The following IDE variants were observed in gnomAD, a reference collection of about 807,000 sequenced individuals.
The protein encoded by IDE is insulin degrading enzyme.
IDE carries 58 observed loss-of-function variants against 133.2 expected under a neutral mutation model. That is an observed-to-expected ratio of 0.44 (90% CI 0.35 to 0.54). IDE has a LOEUF of 0.54. IDE is among the 20% of genes least tolerant of loss of function. The pLI, the probability that IDE is intolerant of heterozygous loss-of-function variation, is 0.00. For synonymous variants in IDE, 396 were observed against 421.3 expected, an observed-to-expected ratio of 0.94 and a Z score of 0.73; for missense variants, 981 against 1,234.0, an observed-to-expected ratio of 0.79 and a Z score of 3.07.
At chr10:92,498,649 C>T (rs1016938886) in intron 11 of IDE, among the ~76,000 whole-genome samples, 4 of 152,024 alleles carry the variant, frequency 2.6e-5, no homozygotes, top group Non-Finnish European at 5.9e-5. Context: ...CCCAGCTACT[C>T]GGGAGGCTGA....
At chr10:92,560,169 G>A (rs1255612416) in intron 1 of IDE, among the ~76,000 whole-genome samples, 3 of 152,258 alleles carry the variant, frequency 2.0e-5, no homozygotes, top group Admixed American at 2.0e-4. Flanking sequence ...ATCGATAATA[G>A]TTTGGCTGGT....
intron 5 of IDE, among the ~76,000 whole-genome samples, chr10:92,513,477 G>A (rs1232544227): frequency 2.0e-5 from 3 of 152,228 alleles, no homozygotes; most frequent in African/African-American, 7.2e-5. Flanking sequence ...ACAGGTGTGA[G>A]CCACTGTGCC....
intron 12 of IDE, among the ~76,000 whole-genome samples, chr10:92,487,816 T>C (rs1847095208): frequency 6.6e-6 from 1 of 152,226 alleles, no homozygotes; most frequent in African/African-American, 2.4e-5. Flanking sequence ...TTTTTCTTCC[T>C]GAGACAGTCT....
Position 92,468,994 on chromosome 10 carries a change from T to C in IDE, c.2209-4A>G. The C allele has an allele frequency of 6.6e-7, 1 of 1,509,820 alleles. No homozygotes were observed. The highest frequency in any genetic ancestry group is 9.2e-7 in the Non-Finnish European group (1 of 1,085,036). 93.5% of individuals were successfully genotyped at this position (1,509,820 alleles called of 1,614,324 possible). A position where few individuals can be genotyped will look rare whatever the true frequency, so the allele number is the denominator to read the frequency against. On this transcript the variant is annotated splice_region_variant and splice_polypyrimidine_tract_variant and intron_variant, in intron 18 of 24. Coordinates refer to ENST00000265986, the MANE Select transcript of IDE (RefSeq NM_004969.4). ...TCTGCATAATTCCTAATGCAGCCTA[T>C]GGAAAAAGATATGTCCCAGCATATT...
chr10:92,550,171 T>C (rs192986357), intron 1 of IDE, among the ~76,000 whole-genome samples: 168 of 151,638 alleles, frequency 1.1e-3, no homozygotes, highest in Non-Finnish European at 2.0e-3. Context: ...AGTAAATAAG[T>C]AAATAAATAA....
intron 3 of IDE, 99 bp downstream of exon 3, chr10:92,534,479 T>G: frequency 1.3e-6 from 1 of 755,940 alleles, no homozygotes; most frequent in Non-Finnish European, 2.1e-6. Context: ...TAAAATACCT[T>G]TTGTTAAATT....
chr10:92,520,220 G>C (rs912247239), intron 4 of IDE, among the ~76,000 whole-genome samples: 23 of 152,146 alleles, frequency 1.5e-4, no homozygotes, highest in Non-Finnish European at 2.9e-4. Flanking sequence ...GATGCGAAGA[G>C]GGGTTGGTAA....
intron 19 of IDE, among the ~76,000 whole-genome samples, chr10:92,467,346 T>A (rs900781399): frequency 6.6e-6 from 1 of 152,222 alleles, no homozygotes; most frequent in Non-Finnish European, 1.5e-5. Flanking sequence ...GTGCTGGGAT[T>A]ATAGGAATGA....
intron 5 of IDE, among the ~76,000 whole-genome samples, chr10:92,511,084 T>TAAA (rs35891632): frequency 2.8e-5 from 3 of 108,232 alleles, no homozygotes; most frequent in Admixed American, 1.1e-4. Context: ...AAAGCAGTGT[T>TAAA]AAAAAAAAAA....
intron 4 of IDE, 93 bp downstream of exon 4, chr10:92,531,655 T>A (rs1849931264): frequency 2.1e-6 from 1 of 478,852 alleles, no homozygotes; most frequent in African/African-American, 2.0e-5. Context: ...TACATAAATA[T>A]ATACATAAAT....
At chr10:92,504,535 T>G (rs1848191631) in intron 11 of IDE, among the ~76,000 whole-genome samples, 1 of 152,186 alleles carries the variant, frequency 6.6e-6, no homozygotes, top group Non-Finnish European at 1.5e-5. Flanking sequence ...TTTTTAAAAA[T>G]GTCCTCATCT....
In IDE at chr10:92,574,037, G is replaced by C. The variant is rs1221022567; in HGVS notation, c.-18C>G. On this transcript the variant is annotated 5_prime_UTR_variant, in exon 1 of 25. Coordinates refer to ENST00000265986, the MANE Select transcript of IDE (RefSeq NM_004969.4). ...TACCGCATTAGCCAGCGCAGTCGCC[G>C]GGATCACCGCAAACGCTTCCTGCTT... 5.3e-6 allele frequency: 8 copies of C among 1,504,680 alleles called. No homozygotes were observed. The Admixed American group carries it at 8.6e-5, about 16-fold the overall frequency. The allele number at this position is 1,504,680 out of a possible 1,614,324, so 93.2% of individuals were successfully genotyped here. A position where few individuals can be genotyped will look rare whatever the true frequency, so the allele number is the denominator to read the frequency against.
At chr10:92,541,753 C>T (rs1158612574) in intron 1 of IDE, among the ~76,000 whole-genome samples, 1 of 152,138 alleles carries the variant, frequency 6.6e-6, no homozygotes, top group African/African-American at 2.4e-5. Context: ...GGAAGAGCCA[C>T]TAGATGTTAT....
intron 1 of IDE, among the ~76,000 whole-genome samples, chr10:92,541,982 T>G (rs559995393): frequency 6.6e-6 from 1 of 152,246 alleles, no homozygotes; most frequent in East Asian, 1.9e-4. Context: ...AAAGTTATAA[T>G]CAAACTCAGT....
chr10:92,472,873 T>C (rs1195648034), intron 17 of IDE, among the ~76,000 whole-genome samples: 1 of 151,424 alleles, frequency 6.6e-6, no homozygotes, highest in African/African-American at 2.4e-5. Flanking sequence ...CTTGACCTTG[T>C]GATCCGCCCG....
Position 92,502,149 on chromosome 10 carries a change from A to C in IDE, c.1430+2645T>G, listed in dbSNP as rs117708954. ...AATGCAAGACCCTGTCTCTAAATAA[A>C]TGAATAAAAAGAAAAAGAAAAACAG... On this transcript the variant is annotated intron_variant, in intron 11 of 24. Transcript: ENST00000265986. Among the ~76,000 whole-genome samples, 71 of 152,260 alleles carry C rather than the reference A, an allele frequency of 4.7e-4. No homozygotes were observed. The East Asian group carries it at 0.011, about 24-fold the overall frequency.
rs56191416 is a variant in IDE, at chr10:92,534,531, G to C, written c.491+47C>G. On this transcript the variant is annotated intron_variant, in intron 3 of 24. Transcript: ENST00000265986. ...GGAAATAATAATTATTATTATTAAT[G>C]TGATAAGTACACAAAGTTGGATAAT... 13,883 of 981,072 alleles carry C rather than the reference G, an allele frequency of 0.014. 1,299 individuals carry two copies. In the African/African-American group the frequency reaches 0.2, roughly 14 times the overall value. The allele number at this position is 981,072 out of a possible 1,614,324, so 60.8% of individuals were successfully genotyped here.
At chr10:92,535,018 G>C (rs1841919051) in intron 2 of IDE, among the ~76,000 whole-genome samples, 1 of 152,210 alleles carries the variant, frequency 6.6e-6, no homozygotes, top group Non-Finnish European at 1.5e-5. Context: ...GTTACTTAGT[G>C]TCTCTGAACA....
At chr10:92,546,466 G>T (rs760272644) in intron 1 of IDE, among the ~76,000 whole-genome samples, 3 of 152,088 alleles carry the variant, frequency 2.0e-5, no homozygotes, top group Non-Finnish European at 2.9e-5. Context: ...AATATCAACC[G>T]CCAAAAATCA....
Sources: gnomAD v4.1 joint callset for allele counts (sites outside exome capture counted in the v4.1 genomes callset) on GRCh38, gnomAD v4.1.1 for gene constraint, MANE v1.5 for transcripts, NCBI Gene and HGNC (gene_info 2026-07-23, HGNC 2026-07-21) for gene names.